Variants in RHOF observed in about 807,000 individuals in gnomAD.
The protein encoded by RHOF is ras homolog family member F, filopodia associated.
Under a neutral mutation model 22.2 loss-of-function variants are expected in RHOF, and 21 were observed. The observed-to-expected ratio is 0.95, with a 90% CI of 0.67 to 1.36. The LOEUF (loss-of-function observed/expected upper bound fraction) is 1.36, where lower values mean the gene tolerates loss of function less well. RHOF is among the 40% of genes most tolerant of loss of function. The pLI is 0.00. For missense variants in RHOF, 285 were observed against 293.7 expected (o/e 0.97, Z 0.22); for synonymous variants, 135 against 131.2 (o/e 1.03, Z -0.20).
At chr12:121,792,227 G>T (rs758027268) in intron 2 of RHOF, among the ~76,000 whole-genome samples, 4 of 152,210 alleles carry the variant, frequency 2.6e-5, no homozygotes, top group Non-Finnish European at 5.9e-5. Context: ...CACAAGGCTT[G>T]GCTGGCCGGA....
chr12:121,787,954 G>C (rs1160851859), intron 2 of RHOF, among the ~76,000 whole-genome samples: 2 of 149,972 alleles, frequency 1.3e-5, no homozygotes, highest in Non-Finnish European at 3.0e-5. Flanking sequence ...CTGGAGTGCA[G>C]TGGTGTGATC....
chr12:121,791,866 T>C (rs1243558140), intron 2 of RHOF, among the ~76,000 whole-genome samples: 1 of 152,162 alleles, frequency 6.6e-6, no homozygotes, highest in African/African-American at 2.4e-5. Flanking sequence ...AAAAAGTGGG[T>C]CAATGACCTT....
chr12:121,780,863 C>T lies in RHOF; in HGVS notation c.471+9G>A, dbSNP rs1161303956. ...ACGGCTGTGCCCCAGGGTCTTGGCC[C>T]CGGCCCACCTGCATGTAGGTGATGG... is the stretch of plus-strand genomic sequence containing the variant. On this transcript the variant is annotated intron_variant, in intron 4 of 4. Coordinates refer to ENST00000267205, the MANE Select transcript of RHOF (RefSeq NM_019034.3). 2 of 1,611,192 alleles carry T rather than the reference C, an allele frequency of 1.2e-6. No individual in the cohort carries two copies. Among genetic ancestry groups the T allele is most frequent in the Non-Finnish European group, 8.5e-7 (1 of 1,178,832 alleles).
In RHOF at chr12:121,793,613, C is replaced by A. The variant is rs757583668; in HGVS notation, c.21G>T (p.Leu7=). The change falls in exon 1 of 5, where the codon CTG becomes CTT. Residue 7 remains leucine, a synonymous_variant. Transcript: ENST00000267205. Reference sequence around the variant, plus strand: ...CCGGACCGGGGGCGGCGGTCTGGGCCAGGGCCCCGGGGGCATCCATTGCCC... The same window carrying A: ...CCGGACCGGGGGCGGCGGTCTGGGCAAGGGCCCCGGGGGCATCCATTGCCC... MDAPGA[L]AQTAAPGPGR... The A allele has an allele frequency of 2.8e-5, 44 of 1,548,212 alleles. 1 individual carries two copies. Among genetic ancestry groups the A allele is most frequent in the Non-Finnish European group, 2.5e-5 (29 of 1,152,852 alleles).
chr12:121,788,131 A>G (rs779225174), intron 2 of RHOF, among the ~76,000 whole-genome samples: 3 of 152,108 alleles, frequency 2.0e-5, no homozygotes, highest in Non-Finnish European at 4.4e-5. Context: ...CAAGGTAGAC[A>G]CTATTGTTGG....
intron 2 of RHOF, among the ~76,000 whole-genome samples, chr12:121,788,511 G>T (rs769285081): frequency 6.6e-6 from 1 of 152,116 alleles, no homozygotes; most frequent in Non-Finnish European, 1.5e-5. Flanking sequence ...GACTACTTCC[G>T]TGTGCACCAA....
At chr12:121,792,612 C>T (rs1415161739) in intron 2 of RHOF, among the ~76,000 whole-genome samples, 1 of 152,238 alleles carries the variant, frequency 6.6e-6, no homozygotes, top group African/African-American at 2.4e-5. Flanking sequence ...AACTGCAAGC[C>T]GTGGAATCCT....
intron 2 of RHOF, among the ~76,000 whole-genome samples, chr12:121,783,684 G>A (rs1156463362): frequency 6.6e-6 from 1 of 152,146 alleles, no homozygotes; most frequent in Non-Finnish European, 1.5e-5. Flanking sequence ...GTTTCTCCAT[G>A]TTGGTCAGGC....
intron 2 of RHOF, among the ~76,000 whole-genome samples, chr12:121,783,863 C>T (rs989335302): frequency 5.9e-5 from 9 of 152,322 alleles, no homozygotes; most frequent in African/African-American, 2.2e-4. Flanking sequence ...CTCGGCCTCC[C>T]AGAGTGCTGG....
chr12:121,781,475 C>A, intron 2 of RHOF: 1 of 373,144 alleles, frequency 2.7e-6, no homozygotes, highest in Non-Finnish European at 5.0e-6. Flanking sequence ...TGTCTCTTAA[C>A]AACAAAACCC....
At chr12:121,786,688 G>C (rs1874618578) in intron 2 of RHOF, among the ~76,000 whole-genome samples, 1 of 152,140 alleles carries the variant, frequency 6.6e-6, no homozygotes, top group South Asian at 2.1e-4. Context: ...TTCCTTGGCA[G>C]TCTGCCCCAT....
At position 121,793,667 on chromosome 12, in the gene RHOF, C is replaced by G. The variant is rs2707066; in HGVS notation, c.-34G>C. ...GCCCGCAGCACTGGCGGCGGCGCGCCGGGCACTAGCGGAGCCAAGAGGTCG... is the reference window on the plus strand; with the variant it reads ...GCCCGCAGCACTGGCGGCGGCGCGCGGGGCACTAGCGGAGCCAAGAGGTCG... On this transcript the variant is annotated 5_prime_UTR_variant, in exon 1 of 5. Coordinates refer to ENST00000267205, the MANE Select transcript of RHOF (RefSeq NM_019034.3). 8.6e-5 allele frequency: 130 copies of G among 1,502,922 alleles called. No homozygotes were observed. In the African/African-American group the frequency reaches 1.6e-3, roughly 18 times the overall value. The allele number at this position is 1,502,922 out of a possible 1,614,324, so 93.1% of individuals were successfully genotyped here. A position where few individuals can be genotyped will look rare whatever the true frequency, so the allele number is the denominator to read the frequency against.
chr12:121,792,513 C>T (rs1029306390), intron 2 of RHOF, among the ~76,000 whole-genome samples: 3 of 152,264 alleles, frequency 2.0e-5, no homozygotes, highest in African/African-American at 7.2e-5. Flanking sequence ...TCTGTTCCTT[C>T]CTCAGTTCAT....
At chr12:121,788,901 A>AC (rs1421892580) in intron 2 of RHOF, among the ~76,000 whole-genome samples, 2 of 151,952 alleles carry the variant, frequency 1.3e-5, no homozygotes, top group Admixed American at 6.5e-5. Flanking sequence ...GGTGGTCAGA[A>AC]CCCCAGAATC....
intron 2 of RHOF, among the ~76,000 whole-genome samples, chr12:121,785,984 G>A (rs759447283): frequency 9.3e-5 from 14 of 151,288 alleles, no homozygotes; most frequent in Middle Eastern, 3.4e-3. Flanking sequence ...GCGTGATCTC[G>A]GCTCACTGCA....
chr12:121,780,593 G>T, intron 4 of RHOF: 1 of 530,482 alleles, frequency 1.9e-6, no homozygotes, highest in Non-Finnish European at 3.3e-6. Flanking sequence ...CGCTAGCTGT[G>T]TGGCCCTGGG....
rs1209983605 is a variant in RHOF, at chr12:121,793,218, C to T, written c.160G>A (p.Glu54Lys). 1.9e-6 allele frequency: 3 copies of T among 1,550,974 alleles called. No homozygotes were observed. The highest frequency in any genetic ancestry group is 2.6e-6 in the Non-Finnish European group (3 of 1,146,870). The change falls in exon 2 of 5, where the codon GAG (glutamate) becomes AAG (lysine). Residue 54 changes from glutamate (E) to lysine (K), a missense_variant. Transcript: ENST00000267205. ...FPEHYAPSVF[E>K]KYTASVTVGS... The stretch of plus-strand genomic sequence containing the variant: ...ACGGTCACGCTGGCCGTGTACTTCT[C>T]GAACACCGATGGGGCGTAGTGCTGC...
chr12:121,780,701 T>G, intron 4 of RHOF, 171 bp downstream of exon 4: 1 of 722,398 alleles, frequency 1.4e-6, no homozygotes, highest in Non-Finnish European at 2.2e-6. Context: ...GGAGTAGTCG[T>G]GTAAAGTGCT....
Position 121,779,546 on chromosome 12 carries a change from C to T in RHOF, c.588G>A (p.Leu196=), listed in dbSNP as rs139876840. Residue 196 remains leucine (L), a synonymous_variant, in exon 5 of 5, where the codon CTG becomes CTA. Coordinates refer to ENST00000267205, the MANE Select transcript of RHOF (RefSeq NM_019034.3). ...REAAKVALSA[L]KKAQRQKKRR... ...GCTTCTTCTGCCGTTGCGCCTTCTTCAGAGCGCTGAGAGCCACCTTGGCGG... is the reference window on the plus strand; with the variant it reads ...GCTTCTTCTGCCGTTGCGCCTTCTTTAGAGCGCTGAGAGCCACCTTGGCGG... The T allele has an allele frequency of 3.3e-4, 540 of 1,613,298 alleles. 6 individuals carry two copies. The African/African-American group carries it at 6.8e-3, about 20-fold the overall frequency.
Sources: allele counts gnomAD v4.1 joint callset (sites outside exome capture counted in the v4.1 genomes callset), GRCh38; gene constraint gnomAD v4.1.1; transcripts MANE v1.5; gene names NCBI Gene and HGNC (gene_info 2026-07-23, HGNC 2026-07-21).